The following TAFA1 variants were observed in gnomAD, a reference collection of about 807,000 sequenced individuals.
TAFA1 encodes the protein chemokine-like protein TAFA-1.
TAFA1 carries 4 observed loss-of-function variants against 18.5 expected under a neutral mutation model. That is an observed-to-expected ratio of 0.22 (90% CI 0.11 to 0.49). The LOEUF (loss-of-function observed/expected upper bound fraction) is 0.49, where lower values mean the gene tolerates loss of function less well. TAFA1 is among the 20% of genes least tolerant of loss of function. TAFA1 has a pLI of 0.98. For synonymous variants in TAFA1, 56 were observed against 55.2 expected (o/e 1.01, Z -0.06); for missense variants, 147 against 169.0 (o/e 0.87, Z 0.72).
chr3:68,348,309 G>A (rs1336607824), intron 2 of TAFA1, among the ~76,000 whole-genome samples: 2 of 152,102 alleles, frequency 1.3e-5, no homozygotes, highest in Middle Eastern at 3.2e-3. Flanking sequence ...ACCAGTATTT[G>A]TATTTTTATG....
chr3:68,311,923 CA>C lies in TAFA1; in HGVS notation c.119-105356del, dbSNP rs2068526954. Among the ~76,000 whole-genome samples, 5 of 152,320 alleles carry C rather than the reference CA, an allele frequency of 3.3e-5. No individual in the cohort carries two copies. The South Asian group carries it at 1.0e-3, about 32-fold the overall frequency. ...GTTCTCCATGAGGGGCATGCCCCTG[CA>C]GCAAACTTCTGCCTAGGCATCCAGG... On this transcript the variant is annotated intron_variant, in intron 2 of 4. Coordinates refer to ENST00000478136, the MANE Select transcript of TAFA1 (RefSeq NM_213609.4).
chr3:68,347,089 A>G (rs1223907944), intron 2 of TAFA1, among the ~76,000 whole-genome samples: 1 of 152,172 alleles, frequency 6.6e-6, no homozygotes, highest in African/African-American at 2.4e-5. Context: ...GGGATGACCA[A>G]TTCTTGAATC....
intron 3 of TAFA1, among the ~76,000 whole-genome samples, chr3:68,521,718 A>G (rs1167769610): frequency 1.3e-5 from 2 of 152,120 alleles, no homozygotes; most frequent in African/African-American, 4.8e-5. Context: ...GGTAAACTAA[A>G]TCAAGTAACA....
intron 2 of TAFA1, among the ~76,000 whole-genome samples, chr3:68,195,615 T>C (rs2066401302): frequency 1.3e-5 from 2 of 151,376 alleles, no homozygotes; most frequent in Admixed American, 6.6e-5. Context: ...TTCAGTGTAC[T>C]ACAAGGTCCA....
At chr3:68,108,173 A>G (rs1015348245) in intron 2 of TAFA1, among the ~76,000 whole-genome samples, 1 of 152,160 alleles carries the variant, frequency 6.6e-6, no homozygotes, top group Non-Finnish European at 1.5e-5. Context: ...GTCAAATGGT[A>G]TATAATAGCT....
chr3:68,530,822 T>C (rs1421334668), intron 3 of TAFA1, among the ~76,000 whole-genome samples: 1 of 152,158 alleles, frequency 6.6e-6, no homozygotes, highest in Non-Finnish European at 1.5e-5. Context: ...AAAGCTAACT[T>C]AATTTTACAA....
chr3:68,447,717 C>G (rs1027901028), intron 3 of TAFA1, among the ~76,000 whole-genome samples: 34 of 152,314 alleles, frequency 2.2e-4, no homozygotes, highest in African/African-American at 6.7e-4. Flanking sequence ...CCAAGGCTGG[C>G]AAATAATTTT....
intron 2 of TAFA1, among the ~76,000 whole-genome samples, chr3:68,042,141 C>A (rs956686056): frequency 5.9e-5 from 9 of 152,178 alleles, no homozygotes. Flanking sequence ...CCTCACCCCT[C>A]CACTTTCAGT....
intron 2 of TAFA1, among the ~76,000 whole-genome samples, chr3:68,365,365 T>G (rs1419789852): frequency 6.6e-6 from 1 of 152,160 alleles, no homozygotes; most frequent in Non-Finnish European, 1.5e-5. Flanking sequence ...CCCAGAGAAG[T>G]TGAAACCTGA....
At chr3:68,521,876 T>TTTTTTTTTGG (rs2073031712) in intron 3 of TAFA1, among the ~76,000 whole-genome samples, 1 of 145,016 alleles carries the variant, frequency 6.9e-6, no homozygotes, top group Non-Finnish European at 1.5e-5. Flanking sequence ...TTTTTTTTTT[T>TTTTTTTTTGG]GGAGATAGGG....
chr3:68,543,948 C>T (rs1025410268), intron 4 of TAFA1, among the ~76,000 whole-genome samples: 14 of 152,036 alleles, frequency 9.2e-5, no homozygotes, highest in East Asian at 1.9e-4. Context: ...ACCTTGACAA[C>T]GACCTCACCT....
At chr3:68,406,956 A>G (rs1179754340) in intron 2 of TAFA1, among the ~76,000 whole-genome samples, 1 of 152,192 alleles carries the variant, frequency 6.6e-6, no homozygotes, top group African/African-American at 2.4e-5. Flanking sequence ...CAACATATCC[A>G]ACGTATAAGC....
chr3:68,070,130 AC>A, intron 2 of TAFA1, among the ~76,000 whole-genome samples: 1 of 152,114 alleles, frequency 6.6e-6, no homozygotes, highest in East Asian at 1.9e-4. Flanking sequence ...ATTTCCTTCC[AC>A]ACTGCATTAG....
chr3:68,478,619 C>T (rs1172874801), intron 3 of TAFA1, among the ~76,000 whole-genome samples: 1 of 152,076 alleles, frequency 6.6e-6, no homozygotes, highest in East Asian at 1.9e-4. Context: ...TAGATTGAGC[C>T]TATCAATTCT....
intron 4 of TAFA1, among the ~76,000 whole-genome samples, chr3:68,539,202 T>G (rs531165982): frequency 6.6e-6 from 1 of 152,296 alleles, no homozygotes; most frequent in Admixed American, 6.5e-5. Flanking sequence ...GATAATCAAA[T>G]GAACTTCCTC....
chr3:68,120,807 G>C (rs557009877), intron 2 of TAFA1, among the ~76,000 whole-genome samples: 2 of 152,136 alleles, frequency 1.3e-5, no homozygotes, highest in South Asian at 4.1e-4. Context: ...ATCTCCTCAG[G>C]GGATTTCATT....
At chr3:68,107,079 A>T (rs1263328951) in intron 2 of TAFA1, among the ~76,000 whole-genome samples, 1 of 152,120 alleles carries the variant, frequency 6.6e-6, no homozygotes. Flanking sequence ...GCTGCAGCCA[A>T]ACATTACCAG....
At chr3:68,472,528 ACACAC>A (rs1559683608) in intron 3 of TAFA1, among the ~76,000 whole-genome samples, 52 of 152,148 alleles carry the variant, frequency 3.4e-4, no homozygotes, top group African/African-American at 1.1e-3. Context: ...ACACACACAC[ACACAC>A]AAATACACAT....
chr3:68,096,313 C>A (rs1409875243), intron 2 of TAFA1, among the ~76,000 whole-genome samples: 1 of 151,994 alleles, frequency 6.6e-6, no homozygotes, highest in African/African-American at 2.4e-5. Context: ...ACCACATTTT[C>A]TTTATTCATT....
Sources: allele counts gnomAD v4.1 joint callset (sites outside exome capture counted in the v4.1 genomes callset), GRCh38; gene constraint gnomAD v4.1.1; transcripts MANE v1.5; gene names NCBI Gene and HGNC (gene_info 2026-07-23, HGNC 2026-07-21).